Variants in ALK observed in about 807,000 individuals in gnomAD.
ALK encodes ALK receptor tyrosine kinase.
Under a neutral mutation model 163.1 loss-of-function variants are expected in ALK, and 74 were observed. The observed-to-expected ratio is 0.45, with a 90% confidence interval of 0.38 to 0.55. ALK has a LOEUF of 0.55. Among genes scored for constraint, ALK ranks in the 20% least tolerant of loss-of-function variants. ALK has a pLI of 0.00. For synonymous variants in ALK, 960 were observed against 843.2 expected (o/e 1.14, Z -2.40); for missense variants, 2,063 against 2,105.3 (o/e 0.98, Z 0.39).
chr2:29,368,407 C>T (rs1054473884), intron 5 of ALK, among the ~76,000 whole-genome samples: 3 of 152,140 alleles, frequency 2.0e-5, no homozygotes, highest in Non-Finnish European at 2.9e-5. Context: ...GCCCCTCATA[C>T]GTCAGCGGAA....
At chr2:29,245,830 T>A (rs1448903942) in intron 12 of ALK, among the ~76,000 whole-genome samples, 2 of 151,086 alleles carry the variant, frequency 1.3e-5, no homozygotes, top group African/African-American at 4.9e-5. Context: ...TATGGCTCAG[T>A]GCCTTGCACA....
intron 6 of ALK, among the ~76,000 whole-genome samples, chr2:29,327,898 G>C (rs1354770345): frequency 6.6e-6 from 1 of 152,086 alleles, no homozygotes. Flanking sequence ...AAAGGAAAGG[G>C]GAGACCATGT....
chr2:29,681,673 G>C (rs115057849), intron 3 of ALK, among the ~76,000 whole-genome samples: 422 of 152,196 alleles, frequency 2.8e-3, no homozygotes, highest in Middle Eastern at 0.01. Context: ...CAGGCTAGCA[G>C]AGTAGTTCTT....
intron 2 of ALK, among the ~76,000 whole-genome samples, chr2:29,710,932 C>G (rs1403422531): frequency 6.6e-6 from 1 of 152,192 alleles, no homozygotes; most frequent in African/African-American, 2.4e-5. Flanking sequence ...TCAAATGTAA[C>G]TTGATTACGG....
At chr2:29,680,575 T>G (rs988408544) in intron 3 of ALK, among the ~76,000 whole-genome samples, 1 of 152,124 alleles carries the variant, frequency 6.6e-6, no homozygotes, top group East Asian at 1.9e-4. Context: ...AGTTTTTCAG[T>G]TATTATTGCT....
At chr2:29,324,936 C>G (rs1667205850) in intron 6 of ALK, among the ~76,000 whole-genome samples, 1 of 152,112 alleles carries the variant, frequency 6.6e-6, no homozygotes, top group Non-Finnish European at 1.5e-5. Flanking sequence ...CCATCTCAGG[C>G]CCTCCACTCA....
At chr2:29,363,879 C>T (rs955871320) in intron 5 of ALK, among the ~76,000 whole-genome samples, 1 of 152,138 alleles carries the variant, frequency 6.6e-6, no homozygotes, top group Non-Finnish European at 1.5e-5. Context: ...TATAATAATA[C>T]TATAGCTGGA....
At chr2:29,876,121 G>A (rs1249222867) in intron 1 of ALK, among the ~76,000 whole-genome samples, 1 of 152,170 alleles carries the variant, frequency 6.6e-6, no homozygotes, top group African/African-American at 2.4e-5. Flanking sequence ...ATGGCCATGG[G>A]CAGCTTACTT....
chr2:29,694,557 T>C (rs2148289277), intron 3 of ALK, among the ~76,000 whole-genome samples: 1 of 152,320 alleles, frequency 6.6e-6, no homozygotes, highest in Middle Eastern at 3.4e-3. Context: ...GGCAATCCCA[T>C]TTCAAATACC....
chr2:29,719,389 G>C (rs971650768), intron 1 of ALK, among the ~76,000 whole-genome samples: 1 of 152,218 alleles, frequency 6.6e-6, no homozygotes, highest in African/African-American at 2.4e-5. Flanking sequence ...CTGTGTTTGT[G>C]AGTTGCAGAG....
chr2:29,433,382 T>C (rs1234796229), intron 4 of ALK, among the ~76,000 whole-genome samples: 3 of 152,178 alleles, frequency 2.0e-5, no homozygotes, highest in Non-Finnish European at 2.9e-5. Context: ...GGCAAGTTTC[T>C]AGAGGGTTTT....
chr2:29,413,160 A>G (rs1669772664), intron 4 of ALK, among the ~76,000 whole-genome samples: 1 of 152,244 alleles, frequency 6.6e-6, no homozygotes, highest in Non-Finnish European at 1.5e-5. Flanking sequence ...CATGATGAAC[A>G]AAACAACATG....
At chr2:29,632,310 C>T (rs1676402267) in intron 3 of ALK, among the ~76,000 whole-genome samples, 1 of 152,090 alleles carries the variant, frequency 6.6e-6, no homozygotes. Flanking sequence ...TTGTGTCCCT[C>T]TCCTGCCAAA....
At chr2:29,552,663 TGTCTA>T in intron 3 of ALK, among the ~76,000 whole-genome samples, 1 of 152,354 alleles carries the variant, frequency 6.6e-6, no homozygotes, top group East Asian at 1.9e-4. Context: ...CCTGGAGAAA[TGTCTA>T]CTCAAGTCCC....
intron 11 of ALK, among the ~76,000 whole-genome samples, chr2:29,261,208 T>G (rs552610358): frequency 6.6e-5 from 10 of 152,350 alleles, no homozygotes; most frequent in Middle Eastern, 3.4e-3. Context: ...TCCTGTCTTA[T>G]ATCTTGTACA....
intron 1 of ALK, among the ~76,000 whole-genome samples, chr2:29,811,320 G>A (rs1373383785): frequency 6.6e-6 from 1 of 152,130 alleles, no homozygotes; most frequent in African/African-American, 2.4e-5. Context: ...TTGGTAGGAT[G>A]GAAAGCCAGG....
chr2:29,889,260 T>C (rs1349239800), intron 1 of ALK, among the ~76,000 whole-genome samples: 4 of 151,950 alleles, frequency 2.6e-5, no homozygotes, highest in African/African-American at 9.7e-5. Flanking sequence ...TACACATATA[T>C]ATATATACAC....
chr2:29,908,120 G>A lies in ALK; in HGVS notation c.667+11873C>T, dbSNP rs149134627. Among the ~76,000 whole-genome samples the A allele has an allele frequency of 4.4e-4, 67 of 152,184 alleles. 2 individuals are homozygous for A. In the East Asian group the frequency reaches 0.012, roughly 28 times the overall value. On this transcript the variant is annotated intron_variant, in intron 1 of 28. Coordinates refer to ENST00000389048, the MANE Select transcript of ALK (RefSeq NM_004304.5). ...TTCCTGAATAATCTGCAGTCAACAC[G>A]CAGTCAAAATGCATCTCCCCTACTC...
intron 4 of ALK, among the ~76,000 whole-genome samples, chr2:29,408,392 G>C (rs1310005386): frequency 6.6e-6 from 1 of 151,958 alleles, no homozygotes; most frequent in African/African-American, 2.4e-5. Context: ...TGCCCGGCTG[G>C]AAAGCCCTTT....
Sources: allele counts gnomAD v4.1 joint callset (sites outside exome capture counted in the v4.1 genomes callset), GRCh38; gene constraint gnomAD v4.1.1; transcripts MANE v1.5; gene names NCBI Gene and HGNC (gene_info 2026-07-23, HGNC 2026-07-21).